Variants in ZC2HC1B observed in about 807,000 individuals in gnomAD.
ZC2HC1B encodes zinc finger C2HC domain-containing protein 1B.
In ZC2HC1B, 36 loss-of-function variants were observed where a neutral mutation model predicts 31.0. The ratio of observed to expected loss-of-function variants is 1.16; its 90% CI spans 0.89 to 1.54. The LOEUF (loss-of-function observed/expected upper bound fraction) is 1.54, where lower values mean the gene tolerates loss of function less well. Among genes scored for constraint, ZC2HC1B ranks in the 40% most tolerant of loss-of-function variants. The pLI is 0.00. For synonymous variants in ZC2HC1B, 73 were observed against 88.0 expected (o/e 0.83, Z 0.95); for missense variants, 260 against 268.6 (o/e 0.97, Z 0.22).
At position 143,865,464 on chromosome 6, in the gene ZC2HC1B, C is replaced by G. The variant is rs1363367589; in HGVS notation, c.28+897C>G. Among the ~76,000 whole-genome samples the G allele has an allele frequency of 6.6e-6, 1 of 152,206 alleles. No individual in the cohort carries two copies. The highest frequency in any genetic ancestry group is 1.5e-5 in the Non-Finnish European group (1 of 68,050). On this transcript the variant is annotated intron_variant, in intron 1 of 7. Transcript: ENST00000237275. This position sits in a 1 kb window ranked among gnomAD's most constrained non-coding sequence, Gnocchi z 4.4. The stretch of plus-strand genomic sequence containing the variant: ...CCTTCACTATAGGCTATTCCCTGAG[C>G]TTGTATTTAAAAATCCTGCACGCAT...
intron 1 of ZC2HC1B, among the ~76,000 whole-genome samples, chr6:143,880,178 T>C (rs1036412270): frequency 3.9e-5 from 6 of 152,160 alleles, no homozygotes; most frequent in Non-Finnish European, 7.4e-5. Context: ...CCCAGATTAC[T>C]TTCTGTTACT....
At chr6:143,896,405 T>G (rs185546285) in intron 4 of ZC2HC1B, among the ~76,000 whole-genome samples, 3 of 152,342 alleles carry the variant, frequency 2.0e-5, no homozygotes, top group African/African-American at 4.8e-5. Context: ...GACTTCACTT[T>G]CCAGCTGGCA....
rs1393311611 is a variant in ZC2HC1B at position 143,918,735 on chromosome 6, T to A, written c.598+15583T>A. On this transcript the variant is annotated intron_variant, in intron 6 of 7. Transcript: ENST00000237275. This position sits in a 1 kb window ranked among gnomAD's most constrained non-coding sequence, Gnocchi z 4.1. The stretch of plus-strand genomic sequence containing the variant: ...ACAGGTCCCTAAGGCTCTGTTCACC[T>A]TTCCTTAAGTTTTTCTCTTTCTGTT... Among the ~76,000 whole-genome samples the A allele has an allele frequency of 6.6e-6, 1 of 152,192 alleles. No homozygotes were observed. The highest frequency in any genetic ancestry group is 1.5e-5 in the Non-Finnish European group (1 of 68,022).
rs1777903194 is a variant in ZC2HC1B at position 143,915,191 on chromosome 6, G to A, written c.598+12039G>A. Among the ~76,000 whole-genome samples, 2 of 152,118 alleles carry A rather than the reference G, an allele frequency of 1.3e-5. No homozygotes were observed. Among genetic ancestry groups the A allele is most frequent in the Admixed American group, 6.5e-5 (1 of 15,274 alleles). On this transcript the variant is annotated intron_variant, in intron 6 of 7. Transcript: ENST00000237275. The surrounding 1 kb of genome is among the most constrained non-coding windows in gnomAD (Gnocchi z 5.2). ...AATCATGGGGGCAAGTCTTCCCTGT[G>A]CTATTCTTATGACAATGAGTAAGTC...
chr6:143,898,979 T>C (rs1777704432), intron 5 of ZC2HC1B, among the ~76,000 whole-genome samples: 1 of 152,238 alleles, frequency 6.6e-6, no homozygotes, highest in Non-Finnish European at 1.5e-5. Flanking sequence ...AAACTCTTTA[T>C]CCAACAGTAT....
chr6:143,876,082 C>A (rs1240021646), intron 1 of ZC2HC1B, among the ~76,000 whole-genome samples: 1 of 150,664 alleles, frequency 6.6e-6, no homozygotes, highest in East Asian at 1.9e-4. Context: ...CCTTTCATTG[C>A]AGGTCAGCCA....
At chr6:143,879,824 A>AGTT in intron 1 of ZC2HC1B, among the ~76,000 whole-genome samples, 1 of 53,684 alleles carries the variant, frequency 1.9e-5, no homozygotes, top group South Asian at 8.5e-4. Flanking sequence ...GTTGTCCCTG[A>AGTT]TTTTTTTTTT....
intron 1 of ZC2HC1B, among the ~76,000 whole-genome samples, chr6:143,875,735 G>A (rs1777399945): frequency 6.6e-6 from 1 of 150,634 alleles, no homozygotes; most frequent in Non-Finnish European, 1.5e-5. Context: ...AGCAAACAGA[G>A]GTGTTGGAGG....
chr6:143,922,023 G>A lies in ZC2HC1B; in HGVS notation c.599-15626G>A, dbSNP rs1777990267. On this transcript the variant is annotated intron_variant, in intron 6 of 7. Transcript: ENST00000237275. The surrounding 1 kb of genome is among the most constrained non-coding windows in gnomAD (Gnocchi z 5.0). ...TTGGAGCCATTCTGGGGAGGAATTA[G>A]AAGCATACTGGGTGAAGGTGAATCT... 6.6e-6 allele frequency among the ~76,000 whole-genome samples: 1 copy of A among 152,210 alleles called. No individual in the cohort carries two copies. Among genetic ancestry groups the A allele is most frequent in the Non-Finnish European group, 1.5e-5 (1 of 68,038 alleles).
At chr6:143,937,339 G>A (rs971703146) in intron 6 of ZC2HC1B, among the ~76,000 whole-genome samples, 1 of 152,202 alleles carries the variant, frequency 6.6e-6, no homozygotes, top group African/African-American at 2.4e-5. Flanking sequence ...TGGGGCAATA[G>A]CGGAGGGGAT....
At position 143,924,396 on chromosome 6, in the gene ZC2HC1B, T is replaced by TAC. The variant is rs200294921; in HGVS notation, c.599-13241_599-13240dup. 2.0e-5 allele frequency among the ~76,000 whole-genome samples: 3 copies of TAC among 151,246 alleles called. No homozygotes were observed. Among genetic ancestry groups the TAC allele is most frequent in the Admixed American group, 1.3e-4 (2 of 15,178 alleles). On this transcript the variant is annotated intron_variant, in intron 6 of 7. Transcript: ENST00000237275. This position sits in a 1 kb window ranked among gnomAD's most constrained non-coding sequence, Gnocchi z 5.2. ...CATATATATATCCATGTATATATAA[T>TAC]ACACACACACACATATATCCATGTT... is the stretch of plus-strand genomic sequence containing the variant.
chr6:143,916,802 C>T (rs982462920), intron 6 of ZC2HC1B, among the ~76,000 whole-genome samples: 1 of 152,214 alleles, frequency 6.6e-6, no homozygotes, highest in African/African-American at 2.4e-5. Context: ...GCACCTGTAC[C>T]CCCATTGTAT....
At chr6:143,900,192 C>T (rs1032119720) in intron 5 of ZC2HC1B, among the ~76,000 whole-genome samples, 3 of 151,938 alleles carry the variant, frequency 2.0e-5, no homozygotes, top group Non-Finnish European at 4.4e-5. Context: ...GAGTTTGAGA[C>T]CAGCCTGACC....
rs9496801 is a variant in ZC2HC1B, at chr6:143,887,716, T to A, written c.349+895T>A. ...TTAGTCATATTGTTAAATTTTTTCCTCTATCTCATCTTTATGTAAACTGAA... is the reference window on the plus strand; with the variant it reads ...TTAGTCATATTGTTAAATTTTTTCCACTATCTCATCTTTATGTAAACTGAA... On this transcript the variant is annotated intron_variant, in intron 4 of 7. Transcript: ENST00000237275. The surrounding 1 kb of genome is among the most constrained non-coding windows in gnomAD (Gnocchi z 5.1). 0.1 allele frequency among the ~76,000 whole-genome samples: 15,223 copies of A among 152,104 alleles called. 1,218 individuals carry two copies. Among genetic ancestry groups the A allele is most frequent in the African/African-American group, 0.22 (9,143 of 41,476 alleles).
intron 6 of ZC2HC1B, among the ~76,000 whole-genome samples, chr6:143,935,141 G>GGTGGGCAGA (rs1778161600): frequency 5.0e-5 from 1 of 20,100 alleles, no homozygotes; most frequent in South Asian, 4.0e-3. Flanking sequence ...TGCTGGTGGT[G>GGTGGGCAGA]GTGGGTCAAT....
chr6:143,879,686 C>A (rs936959803), intron 1 of ZC2HC1B, among the ~76,000 whole-genome samples: 1 of 152,100 alleles, frequency 6.6e-6, no homozygotes, highest in Admixed American at 6.6e-5. Flanking sequence ...TTCTTAACTT[C>A]CAGCTCAAGA....
intron 5 of ZC2HC1B, among the ~76,000 whole-genome samples, chr6:143,901,242 C>A (rs972950426): frequency 3.4e-5 from 4 of 118,114 alleles, no homozygotes; most frequent in African/African-American, 1.3e-4. Flanking sequence ...TTCTTTCTTT[C>A]TTTCTTCCTT....
At chr6:143,882,504 T>C (rs75001034) in intron 1 of ZC2HC1B, among the ~76,000 whole-genome samples, 4,193 of 151,634 alleles carry the variant, frequency 0.028, 102 homozygotes, top group Admixed American at 0.071. Flanking sequence ...AAATCAACAA[T>C]GTCTGTAGCA....
Position 143,937,682 on chromosome 6 carries a change from T to A in ZC2HC1B, c.632T>A (p.Leu211His). Residue 211 changes from leucine to histidine, a missense_variant, in exon 7 of 8, where the codon CTC (leucine) becomes CAC (histidine). Coordinates refer to ENST00000237275, the MANE Select transcript of ZC2HC1B (RefSeq NM_001013623.3). ...ATGGACCCTGCTTCTGGAGCAAAAC[T>A]CAGACAAGGATTTAGTAAATCTTCT... ...LAMDPASGAK[L>H]RQGFSKSSKK... is the part of the protein sequence containing the mutation. 1 of 1,551,176 alleles carries A rather than the reference T, an allele frequency of 6.4e-7. No individual in the cohort carries two copies. The highest frequency in any genetic ancestry group is 1.2e-5 in the South Asian group (1 of 83,898).
Sources: allele counts gnomAD v4.1 joint callset (sites outside exome capture counted in the v4.1 genomes callset), GRCh38; gene constraint gnomAD v4.1.1; non-coding constraint Gnocchi (gnomAD v3.1); transcripts MANE v1.5; gene names NCBI Gene and HGNC (gene_info 2026-07-23, HGNC 2026-07-21).